The following KDM2A variants were observed in gnomAD, a reference collection of about 807,000 sequenced individuals.
KDM2A encodes lysine demethylase 2A, also known as lysine-specific demethylase 2A.
KDM2A carries 3 observed loss-of-function variants against 137.3 expected under a neutral mutation model. The observed-to-expected ratio is 0.02, with a 90% CI of 0.01 to 0.06. The LOEUF (loss-of-function observed/expected upper bound fraction) is 0.06. Ranked by LOEUF, KDM2A falls within the 10% of genes least tolerant of loss-of-function variation. The probability of loss-of-function intolerance (pLI) is 1.00; values close to 1 mark genes in which losing one functional copy is unlikely to be tolerated. For synonymous variants in KDM2A, 512 were observed against 541.5 expected (o/e 0.95, Z 0.76); for missense variants, 738 against 1,510.6 (o/e 0.49, Z 8.48).
rs1379512990 is a variant in KDM2A at position 67,254,109 on chromosome 11, G to T, written c.3092-94G>T. On this transcript the variant is annotated intron_variant, in intron 19 of 20. Coordinates refer to ENST00000529006, the MANE Select transcript of KDM2A (RefSeq NM_012308.3). The surrounding 1 kb of genome is among the most constrained non-coding windows in gnomAD (Gnocchi z 4.7). ...CAGTTCTACTTAACCCCTTCAAGGG[G>T]GCCTGGCCAGCAAGTAGCTGTTGCT... 1 of 1,136,882 alleles carries T rather than the reference G, an allele frequency of 8.8e-7. No homozygotes were observed. Among genetic ancestry groups the T allele is most frequent in the African/African-American group, 1.5e-5 (1 of 65,050 alleles). 70.4% of individuals were successfully genotyped at this position (1,136,882 alleles called of 1,614,324 possible).
intron 9 of KDM2A, among the ~76,000 whole-genome samples, chr11:67,219,010 G>C (rs1858253042): frequency 1.3e-5 from 2 of 152,346 alleles, no homozygotes; most frequent in East Asian, 1.9e-4. Context: ...ATCTTGTACA[G>C]AGCCTGGTTT....
At chr11:67,145,240 T>A (rs1268254351) in intron 2 of KDM2A, among the ~76,000 whole-genome samples, 1 of 151,368 alleles carries the variant, frequency 6.6e-6, no homozygotes, top group Admixed American at 6.6e-5. Context: ...ATCCCAGCAC[T>A]TTGGGAGGCT....
intron 2 of KDM2A, among the ~76,000 whole-genome samples, chr11:67,160,198 G>A (rs989497146): frequency 2.6e-5 from 4 of 152,172 alleles, no homozygotes; most frequent in African/African-American, 9.7e-5. Flanking sequence ...TTAGGAACAG[G>A]CAGTGATGTT....
chr11:67,253,346 C>T (rs1451402416), intron 18 of KDM2A, 107 bp from the exon 19 acceptor site: 1 of 939,778 alleles, frequency 1.1e-6, no homozygotes, highest in Non-Finnish European at 1.7e-6. Flanking sequence ...AGGCATAGTC[C>T]TTCTCTCCTA....
chr11:67,158,758 G>A (rs954654845), intron 2 of KDM2A, among the ~76,000 whole-genome samples: 2 of 151,952 alleles, frequency 1.3e-5, no homozygotes, highest in African/African-American at 4.8e-5. Context: ...CAAAGTGCTC[G>A]TATTATAGGC....
At chr11:67,215,989 G>T in intron 8 of KDM2A, 40 bp downstream of exon 8, 1 of 1,512,992 alleles carries the variant, frequency 6.6e-7, no homozygotes, top group South Asian at 1.1e-5. Context: ...ATCTGAAGTT[G>T]GTTGTATGAC....
At chr11:67,200,367 C>T (rs771302219) in intron 5 of KDM2A, among the ~76,000 whole-genome samples, 34 of 152,134 alleles carry the variant, frequency 2.2e-4, no homozygotes, top group Non-Finnish European at 4.0e-4. Context: ...AGGCGTCCGC[C>T]ACCACGTCCG....
intron 2 of KDM2A, among the ~76,000 whole-genome samples, chr11:67,157,713 C>G (rs1186412809): frequency 6.7e-6 from 1 of 150,360 alleles, no homozygotes; most frequent in Non-Finnish European, 1.5e-5. Context: ...CCACTGCACT[C>G]CAGCCTGGGC....
intron 2 of KDM2A, among the ~76,000 whole-genome samples, chr11:67,145,660 T>C (rs1232908351): frequency 6.6e-6 from 1 of 152,054 alleles, no homozygotes; most frequent in African/African-American, 2.4e-5. Flanking sequence ...TTTGTTCAGG[T>C]TGAATTTCTT....
intron 2 of KDM2A, among the ~76,000 whole-genome samples, chr11:67,167,420 A>G (rs548662881): frequency 6.6e-6 from 1 of 152,238 alleles, no homozygotes; most frequent in African/African-American, 2.4e-5. Flanking sequence ...TTGACCAATT[A>G]GTTTTGTGGA....
chr11:67,200,727 G>T (rs560371135), intron 5 of KDM2A, among the ~76,000 whole-genome samples: 5 of 151,640 alleles, frequency 3.3e-5, no homozygotes, highest in African/African-American at 1.2e-4. Context: ...GGCTGGTTTA[G>T]AACTCCTGGG....
At chr11:67,178,807 G>A (rs2136333237) in intron 2 of KDM2A, among the ~76,000 whole-genome samples, 1 of 152,100 alleles carries the variant, frequency 6.6e-6, no homozygotes, top group African/African-American at 2.4e-5. Context: ...TTGACATTTG[G>A]GTGGTTTCTA....
intron 2 of KDM2A, among the ~76,000 whole-genome samples, chr11:67,139,397 A>C (rs1856043778): frequency 6.6e-6 from 1 of 151,788 alleles, no homozygotes; most frequent in African/African-American, 2.4e-5. Context: ...GGCACCCACC[A>C]CCACGCCCAG....
intron 2 of KDM2A, 50 bp downstream of exon 2, chr11:67,121,408 C>T (rs1246545756): frequency 1.3e-6 from 2 of 1,562,902 alleles, no homozygotes; most frequent in Non-Finnish European, 1.8e-6. Context: ...AGTAGGATAA[C>T]TATTTTGTTT....
chr11:67,203,823 A>G (rs912379164), intron 5 of KDM2A, among the ~76,000 whole-genome samples: 1 of 150,468 alleles, frequency 6.6e-6, no homozygotes, highest in Non-Finnish European at 1.5e-5. Flanking sequence ...TTTTTAAGAC[A>G]GAGTCTTGCT....
intron 2 of KDM2A, among the ~76,000 whole-genome samples, chr11:67,136,435 C>G (rs1177514003): frequency 1.3e-5 from 2 of 152,174 alleles, no homozygotes; most frequent in African/African-American, 2.4e-5. Context: ...GTCATCTGTT[C>G]TCATTCAGGA....
At chr11:67,127,643 C>G (rs948326047) in intron 2 of KDM2A, among the ~76,000 whole-genome samples, 44 of 152,102 alleles carry the variant, frequency 2.9e-4, no homozygotes, top group Non-Finnish European at 4.1e-4. Flanking sequence ...CTTGGTTTAC[C>G]TTTGAAAGTG....
chr11:67,242,498 G>A (rs1213655891), intron 12 of KDM2A, among the ~76,000 whole-genome samples: 1 of 152,156 alleles, frequency 6.6e-6, no homozygotes, highest in Non-Finnish European at 1.5e-5. Flanking sequence ...TCACTAACTG[G>A]TGTAGAAAAG....
At chr11:67,248,190 T>G in intron 15 of KDM2A, 91 bp from the exon 16 acceptor site, 4 of 953,528 alleles carry the variant, frequency 4.2e-6, no homozygotes, top group Non-Finnish European at 4.9e-6. Flanking sequence ...CCAATGTTGT[T>G]GAGAAATGAG....
Sources: allele counts gnomAD v4.1 joint callset (sites outside exome capture counted in the v4.1 genomes callset), GRCh38; gene constraint gnomAD v4.1.1; non-coding constraint Gnocchi (gnomAD v3.1); transcripts MANE v1.5; gene names NCBI Gene and HGNC (gene_info 2026-07-23, HGNC 2026-07-21).